The following ALPL variants were observed in gnomAD, a reference collection of about 807,000 sequenced individuals.
The protein encoded by ALPL is alkaline phosphatase, tissue-nonspecific isozyme.
In ALPL, 42 loss-of-function variants were observed where a neutral mutation model predicts 51.3. The observed-to-expected ratio is 0.82, with a 90% CI of 0.64 to 1.06. ALPL has a LOEUF of 1.06. ALPL is among the 50% of genes least tolerant of loss of function. ALPL has a pLI of 0.00. For synonymous variants in ALPL, 279 were observed against 296.4 expected (o/e 0.94, Z 0.60); for missense variants, 589 against 709.4 (o/e 0.83, Z 1.93).
chr1:21,528,569 C>G (rs1230508198), intron 1 of ALPL, among the ~76,000 whole-genome samples: 2 of 151,474 alleles, frequency 1.3e-5, no homozygotes, highest in Non-Finnish European at 1.5e-5. Context: ...CCAGACTGGT[C>G]TCGGACTCCT....
intron 10 of ALPL, 85 bp downstream of exon 10, chr1:21,576,009 GC>G: frequency 6.6e-7 from 1 of 1,512,012 alleles, no homozygotes; most frequent in Non-Finnish European, 9.2e-7. Flanking sequence ...GAGCCAGCAA[GC>G]CCAGAGCATG....
intron 1 of ALPL, among the ~76,000 whole-genome samples, chr1:21,550,423 C>A (rs989313487): frequency 2.0e-5 from 3 of 152,158 alleles, no homozygotes; most frequent in African/African-American, 7.2e-5. Flanking sequence ...AGGTCCTTTT[C>A]TGTCCACTGC....
intron 1 of ALPL, among the ~76,000 whole-genome samples, chr1:21,539,725 G>A (rs1359315928): frequency 6.7e-6 from 1 of 149,978 alleles, no homozygotes; most frequent in African/African-American, 2.5e-5. Context: ...CACGATCACA[G>A]CTCATTGCAA....
chr1:21,537,053 C>T (rs891581057), intron 1 of ALPL, among the ~76,000 whole-genome samples: 3 of 151,996 alleles, frequency 2.0e-5, no homozygotes, highest in African/African-American at 4.8e-5. Context: ...CCCGCCACCA[C>T]GCCTGGCTAA....
intron 2 of ALPL, among the ~76,000 whole-genome samples, chr1:21,554,924 TTCTTTC>T (rs1644392823): frequency 1.0e-4 from 12 of 117,470 alleles, no homozygotes; most frequent in Non-Finnish European, 1.6e-4. Flanking sequence ...CTTTCTTTCT[TTCTTTC>T]TTTTCTTTTT....
At chr1:21,561,035 C>T in intron 3 of ALPL, 62 bp from the exon 4 acceptor site, 3 of 1,466,516 alleles carry the variant, frequency 2.0e-6, no homozygotes. Context: ...TTCTGGGTAC[C>T]CAAGCAGGCT....
chr1:21,560,822 G>T, intron 3 of ALPL, 77 bp downstream of exon 3: 1 of 1,584,844 alleles, frequency 6.3e-7, no homozygotes, highest in East Asian at 2.3e-5. Flanking sequence ...TGAGTTGAAG[G>T]GGGCTGTGTT....
chr1:21,516,700 C>T (rs1643807417), intron 1 of ALPL, among the ~76,000 whole-genome samples: 1 of 152,182 alleles, frequency 6.6e-6, no homozygotes, highest in Non-Finnish European at 1.5e-5. Context: ...ATCTTAAAAC[C>T]ATCCAATATA....
intron 1 of ALPL, among the ~76,000 whole-genome samples, chr1:21,549,597 T>G (rs1280531120): frequency 6.6e-6 from 1 of 151,710 alleles, no homozygotes. Flanking sequence ...CCTCAGCCTC[T>G]CAGGTAGCTG....
intron 1 of ALPL, among the ~76,000 whole-genome samples, chr1:21,548,893 C>CT (rs1644285796): frequency 6.6e-6 from 1 of 152,196 alleles, no homozygotes; most frequent in Non-Finnish European, 1.5e-5. Flanking sequence ...CTTACATACA[C>CT]TGCGTTTGAT....
intron 7 of ALPL, among the ~76,000 whole-genome samples, chr1:21,569,915 A>G (rs1253715264): frequency 6.6e-6 from 1 of 151,858 alleles, no homozygotes; most frequent in Non-Finnish European, 1.5e-5. Flanking sequence ...ACCTGTCAGC[A>G]CTCAAGGCCC....
At chr1:21,537,351 A>G (rs1644122331) in intron 1 of ALPL, among the ~76,000 whole-genome samples, 1 of 152,200 alleles carries the variant, frequency 6.6e-6, no homozygotes, top group African/African-American at 2.4e-5. Context: ...GTGCAAAATT[A>G]TAAGCCCAGA....
intron 4 of ALPL, among the ~76,000 whole-genome samples, chr1:21,561,601 C>T (rs1430163093): frequency 6.6e-6 from 1 of 151,998 alleles, no homozygotes; most frequent in African/African-American, 2.4e-5. Context: ...TTAAGCGATC[C>T]TACAGCCTTG....
chr1:21,564,586 T>G lies in ALPL; in HGVS notation c.648+370T>G, dbSNP rs892152372. 2.0e-5 allele frequency among the ~76,000 whole-genome samples: 3 copies of G among 152,224 alleles called. No individual in the cohort carries two copies. The highest frequency in any genetic ancestry group is 6.5e-5 in the Admixed American group (1 of 15,282). On this transcript the variant is annotated intron_variant, in intron 6 of 11. Coordinates refer to ENST00000374840, the MANE Select transcript of ALPL (RefSeq NM_000478.6). The surrounding 1 kb of genome is among the most constrained non-coding windows in gnomAD (Gnocchi z 5.8). ...ACATGGTCACAGATGGGTACATATC[T>G]GTACACTCAACCACCAGCATGCCCG...
chr1:21,577,467 G>A lies in ALPL; in HGVS notation c.1394G>A (p.Gly465Asp). The A allele has an allele frequency of 6.2e-7, 1 of 1,610,854 alleles. No homozygotes were observed. Residue 465 changes from glycine to aspartate, a missense_variant, in exon 12 of 12, where the codon GGC (glycine) becomes GAC (aspartate). Physicochemically the swap from Gly to Asp is moderately conservative, Grantham distance 94 (BLOSUM62 -1). Transcript: ENST00000374840. Reference protein sequence around the residue: ...GGEDVAVFSKGPMAHLLHGVH... With the variant: ...GGEDVAVFSKDPMAHLLHGVH... Reference sequence around the variant, plus strand: ...GAGGACGTGGCCGTCTTCTCCAAGGGCCCCATGGCGCACCTGCTGCACGGC... The same window carrying A: ...GAGGACGTGGCCGTCTTCTCCAAGGACCCCATGGCGCACCTGCTGCACGGC...
chr1:21,512,243 C>T (rs1643703430), intron 1 of ALPL, among the ~76,000 whole-genome samples: 1 of 152,252 alleles, frequency 6.6e-6, no homozygotes, highest in African/African-American at 2.4e-5. Context: ...GATGTCCTCA[C>T]TTTCAGAGGG....
intron 5 of ALPL, 113 bp from the exon 6 acceptor site, chr1:21,563,928 C>T: frequency 7.2e-7 from 1 of 1,383,590 alleles, no homozygotes; most frequent in Non-Finnish European, 9.9e-7. Flanking sequence ...CCCGGGCAAT[C>T]CTCAGAACTG....
chr1:21,554,770 G>A (rs1392230218), intron 2 of ALPL, among the ~76,000 whole-genome samples: 2 of 150,726 alleles, frequency 1.3e-5, no homozygotes, highest in Non-Finnish European at 1.5e-5. Context: ...GATTACAGGC[G>A]TGAGCCACCG....
At chr1:21,567,666 C>A (rs1007851196) in intron 6 of ALPL, among the ~76,000 whole-genome samples, 2 of 152,212 alleles carry the variant, frequency 1.3e-5, no homozygotes, top group African/African-American at 2.4e-5. Context: ...GGCTCTGTGG[C>A]CTTCGGGGGA....
Sources: gnomAD v4.1 joint callset for allele counts (sites outside exome capture counted in the v4.1 genomes callset) on GRCh38, gnomAD v4.1.1 for gene constraint, Gnocchi (gnomAD v3.1) non-coding constraint, MANE v1.5 for transcripts, NCBI Gene and HGNC (gene_info 2026-07-23, HGNC 2026-07-21) for gene names.